TXLNB: variants seen among roughly 807,000 people sequenced by gnomAD.
TXLNB encodes taxilin beta.
In TXLNB, 37 loss-of-function variants were observed where a neutral mutation model predicts 57.4. The observed-to-expected ratio is 0.64, with a 90% confidence interval of 0.50 to 0.85. The LOEUF (loss-of-function observed/expected upper bound fraction) is 0.85. Among genes scored for constraint, TXLNB ranks in the 40% least tolerant of loss-of-function variants. The pLI, the probability that TXLNB is intolerant of heterozygous loss-of-function variation, is 0.00. For synonymous variants in TXLNB, 302 were observed against 309.6 expected (o/e 0.98, Z 0.26); for missense variants, 848 against 825.6 (o/e 1.03, Z -0.33).
the TXLNB span, chr6:139,179,213 A>G: frequency 6.6e-6 from 1 of 152,184 alleles, no homozygotes; most frequent in Non-Finnish European, 1.5e-5. Context: ...AAAAAGTGCT[A>G]AGTTTCTCTT....
chr6:139,250,052 T>G (rs1582994120), intron 7 of TXLNB, among the ~76,000 whole-genome samples: 2 of 152,118 alleles, frequency 1.3e-5, no homozygotes. Context: ...TCTGATTCTG[T>G]CACCCAGGCT....
intron 4 of TXLNB, among the ~76,000 whole-genome samples, chr6:139,266,482 T>C (rs1279860761): frequency 6.6e-6 from 1 of 152,048 alleles, no homozygotes; most frequent in Middle Eastern, 3.4e-3. Flanking sequence ...TAGAGCAGAA[T>C]GAAAATGAGA....
the TXLNB span, among the ~76,000 whole-genome samples, chr6:139,187,591 T>C: frequency 6.6e-6 from 1 of 152,212 alleles, no homozygotes; most frequent in Non-Finnish European, 1.5e-5. Context: ...ATGGCAAACG[T>C]AACTGTGGCA....
chr6:139,168,162 A>C, the TXLNB span, among the ~76,000 whole-genome samples: 1 of 152,186 alleles, frequency 6.6e-6, no homozygotes, highest in Non-Finnish European at 1.5e-5. Context: ...CGTGATTGTA[A>C]ATACTGCTGT....
At chr6:139,274,189 G>A (rs941963147) in intron 3 of TXLNB, among the ~76,000 whole-genome samples, 2 of 152,138 alleles carry the variant, frequency 1.3e-5, no homozygotes, top group Admixed American at 1.3e-4. Context: ...ACTTATTAAT[G>A]AGCTTATCTT....
intron 3 of TXLNB, among the ~76,000 whole-genome samples, chr6:139,272,752 G>A (rs1776797333): frequency 6.6e-6 from 1 of 152,118 alleles, no homozygotes. Flanking sequence ...ATATATTGTA[G>A]GCCAGGCACG....
chr6:139,214,611 G>A, the TXLNB span, among the ~76,000 whole-genome samples: 1 of 152,144 alleles, frequency 6.6e-6, no homozygotes, highest in Admixed American at 6.5e-5. Context: ...TCAACATAAT[G>A]TTGGAAGTTC....
At chr6:139,260,838 A>G (rs919347182) in intron 5 of TXLNB, among the ~76,000 whole-genome samples, 1 of 152,228 alleles carries the variant, frequency 6.6e-6, no homozygotes, top group African/African-American at 2.4e-5. Flanking sequence ...TTCTGTGAAT[A>G]TAAAACCACT....
At chr6:139,295,889 T>C (rs79695499), upstream of TXLNB, among the ~76,000 whole-genome samples, 331 of 152,346 alleles carry the variant, frequency 2.2e-3, 5 homozygotes, top group East Asian at 0.039. Flanking sequence ...TTCATTTGCC[T>C]AGTATTGAGA....
the TXLNB span, among the ~76,000 whole-genome samples, chr6:139,229,689 A>T: frequency 6.6e-6 from 1 of 152,154 alleles, no homozygotes; most frequent in South Asian, 2.1e-4. Context: ...CTGCCCGTTC[A>T]CATCCCATGC....
At chr6:139,293,128 C>T (rs572521629), upstream of TXLNB, among the ~76,000 whole-genome samples, 5 of 152,180 alleles carry the variant, frequency 3.3e-5, no homozygotes, top group African/African-American at 1.2e-4. Flanking sequence ...GACAGAGTCT[C>T]GCTCTGTCAC....
chr6:139,257,724 T>TA (rs149392173), intron 6 of TXLNB, among the ~76,000 whole-genome samples: 12,935 of 151,920 alleles, frequency 0.085, 604 homozygotes, highest in Middle Eastern at 0.11. Context: ...ATCCCTATTG[T>TA]AAAAAAAAGT....
At chr6:139,276,784 G>T in intron 3 of TXLNB, 46 bp downstream of exon 3, 1 of 1,455,228 alleles carries the variant, frequency 6.9e-7, no homozygotes, top group Non-Finnish European at 9.6e-7. Flanking sequence ...TAGAGGCACT[G>T]GGCTCACTAA....
At chr6:139,322,285 A>T in the TXLNB span, among the ~76,000 whole-genome samples, 1 of 152,184 alleles carries the variant, frequency 6.6e-6, no homozygotes, top group Non-Finnish European at 1.5e-5. Flanking sequence ...ACACCCTGGC[A>T]TCTGATGAGG....
chr6:139,296,817 G>A (rs185871178), upstream of TXLNB, among the ~76,000 whole-genome samples: 25 of 152,230 alleles, frequency 1.6e-4, no homozygotes, highest in Admixed American at 1.6e-3. Context: ...GAAGACAGGG[G>A]CGGGCGAGAG....
the TXLNB span, among the ~76,000 whole-genome samples, chr6:139,160,699 C>G: frequency 1.3e-5 from 2 of 152,214 alleles, no homozygotes; most frequent in African/African-American, 4.8e-5. Context: ...CAGGCGTGAG[C>G]CACTGTGCCT....
rs1430827895 is a variant in TXLNB at position 139,260,431 on chromosome 6, C to A, written c.889G>T (p.Asp297Tyr). 1.2e-6 allele frequency: 2 copies of A among 1,613,244 alleles called. No individual in the cohort carries two copies. Among genetic ancestry groups the A allele is most frequent in the Non-Finnish European group, 1.7e-6 (2 of 1,179,876 alleles). ...DQYELREEHLDKIFKHRELQQ... is the reference protein window; with the variant it reads ...DQYELREEHLYKIFKHRELQQ... ...AGTTCTCTGTGTTTAAATATTTTGTCCAGATGCTAAGAAAAATAAAGTGTA... is the reference window on the plus strand; with the variant it reads ...AGTTCTCTGTGTTTAAATATTTTGTACAGATGCTAAGAAAAATAAAGTGTA... Residue 297 changes from aspartate (D) to tyrosine (Y), a missense_variant, in exon 6 of 10, where the codon GAC (aspartate) becomes TAC (tyrosine). By Grantham distance (160) the Asp-to-Tyr change is radical (BLOSUM62 -3). Transcript: ENST00000358430.
At chr6:139,298,262 T>C in the TXLNB span, among the ~76,000 whole-genome samples, 1 of 152,214 alleles carries the variant, frequency 6.6e-6, no homozygotes, top group South Asian at 2.1e-4. Context: ...CCCCACCTCT[T>C]AAGTAGCCTT....
At chr6:139,177,741 A>G in the TXLNB span, 1 of 152,388 alleles carries the variant, frequency 6.6e-6, no homozygotes, top group Non-Finnish European at 1.5e-5. The surrounding 1 kb of genome is among the most constrained non-coding windows in gnomAD (Gnocchi z 4.9). Flanking sequence ...AGTGTTGCAA[A>G]TATGTTTAGG....
Sources: allele counts gnomAD v4.1 joint callset (sites outside exome capture counted in the v4.1 genomes callset), GRCh38; gene constraint gnomAD v4.1.1; non-coding constraint Gnocchi (gnomAD v3.1); transcripts MANE v1.5; gene names NCBI Gene and HGNC (gene_info 2026-07-23, HGNC 2026-07-21).